Variants in APC2 observed in about 807,000 individuals in gnomAD.
The protein encoded by APC2 is adenomatous polyposis coli protein 2.
A neutral mutation model predicts 72.5 loss-of-function variants in APC2; 41 were observed. That is an observed-to-expected ratio of 0.57 (90% confidence interval 0.44 to 0.73). The LOEUF (loss-of-function observed/expected upper bound fraction) is 0.73, where lower values mean the gene tolerates loss of function less well. Ranked by LOEUF, APC2 falls within the 30% of genes least tolerant of loss-of-function variation. The pLI, the probability that APC2 is intolerant of heterozygous loss-of-function variation, is 0.00. For synonymous variants in APC2, 1,898 were observed against 1,612.0 expected (o/e 1.18, Z -4.25); for missense variants, 3,729 against 3,403.4 (o/e 1.10, Z -2.38).
Position 1,456,913 on chromosome 19 carries a change from C to T in APC2, c.877C>T (p.Arg293Cys), listed in dbSNP as rs768478428. The T allele has an allele frequency of 6.3e-7, 1 of 1,578,634 alleles. No individual in the cohort carries two copies. The highest frequency in any genetic ancestry group is 1.8e-5 in the Admixed American group (1 of 56,986). Residue 293 changes from arginine to cysteine, a missense_variant, in exon 9 of 15, where the codon CGC (arginine) becomes TGC (cysteine). By Grantham distance (180) the Arg-to-Cys change is radical. Coordinates refer to ENST00000590469, the MANE Select transcript of APC2 (RefSeq NM_005883.3). ...LATRDQEDTARTLLAMSSSPE... is the reference protein window; with the variant it reads ...LATRDQEDTACTLLAMSSSPE... ...GACGCGCGACCAGGAGGATACAGCG[C>T]GCACGCTGCTGGCCATGTCCAGCTC...
chr19:1,461,612 G>A (rs944047988), intron 13 of APC2: 14 of 317,342 alleles, frequency 4.4e-5, no homozygotes, highest in Non-Finnish European at 7.6e-5. Context: ...CAGCACTTTG[G>A]GAGGCCGAGG....
intron 4 of APC2, 28 bp downstream of exon 4, chr19:1,453,639 G>C (rs1364491547): frequency 6.4e-7 from 1 of 1,571,632 alleles, no homozygotes; most frequent in Admixed American, 1.9e-5. Flanking sequence ...CCCAGCCTCG[G>C]GCAGCTGGAG....
Position 1,466,806 on chromosome 19 carries a change from G to A in APC2, c.3505G>A (p.Gly1169Ser). Residue 1169 changes from glycine to serine, a missense_variant, in exon 15 of 15, where the codon GGC (glycine) becomes AGC (serine). By Grantham distance (56) the Gly-to-Ser change is moderately conservative. Transcript: ENST00000590469. ...LSRCSSVSSL[G>S]SFESPSIASS... ...CCGCTGCAGCTCTGTGAGCTCGCTG[G>A]GCAGCTTCGAGAGCCCGTCCATCGC... 4 of 1,551,944 alleles carry A rather than the reference G, an allele frequency of 2.6e-6. No homozygotes were observed. Among genetic ancestry groups the A allele is most frequent in the Non-Finnish European group, 3.5e-6 (4 of 1,148,874 alleles).
rs956232662 is a variant in APC2, at chr19:1,472,942, GTGC to G, written c.*2732_*2734del. Reference sequence around the variant, plus strand: ...TGGCCCCCAACATGACCACACGTGGGTGCTGAACTCGGGGCGCCGTGCCCACCG... The same window carrying G: ...TGGCCCCCAACATGACCACACGTGGGTGAACTCGGGGCGCCGTGCCCACCG... On this transcript the variant is annotated 3_prime_UTR_variant, in exon 15 of 15. Transcript: ENST00000590469. 1 of 152,304 alleles carries G rather than the reference GTGC, an allele frequency of 6.6e-6. No individual in the cohort carries two copies. Among genetic ancestry groups the G allele is most frequent in the Non-Finnish European group, 1.5e-5 (1 of 68,118 alleles). The allele number at this position is 152,304 out of a possible 1,614,324, so 9.4% of individuals were successfully genotyped here. A position where few individuals can be genotyped will look rare whatever the true frequency, so the allele number is the denominator to read the frequency against.
In APC2 at chr19:1,469,406, C is replaced by G. The variant is rs951548636; in HGVS notation, c.6105C>G (p.Ala2035=). The change falls in exon 15 of 15, where the codon GCC becomes GCG. Residue 2035 remains alanine (A), a synonymous_variant. Coordinates refer to ENST00000590469, the MANE Select transcript of APC2 (RefSeq NM_005883.3). ...SPRRGRPALP[A]VFLCSSRCEE... is the part of the protein sequence containing the mutation. ...GCCGCGGCCGGCCCGCGCTGCCCGCCGTCTTCCTCTGCTCCTCGCGCTGCG... is the reference window on the plus strand; with the variant it reads ...GCCGCGGCCGGCCCGCGCTGCCCGCGGTCTTCCTCTGCTCCTCGCGCTGCG... The G allele has an allele frequency of 8.3e-7, 1 of 1,205,176 alleles. No individual in the cohort carries two copies. Among genetic ancestry groups the G allele is most frequent in the Non-Finnish European group, 1.0e-6 (1 of 971,838 alleles). The allele number at this position is 1,205,176 out of a possible 1,614,324, so 74.7% of individuals were successfully genotyped here.
At position 1,453,502 on chromosome 19, in the gene APC2, G is replaced by T. The variant is rs774957094; in HGVS notation, c.304G>T (p.Ala102Ser). Reference sequence around the variant, plus strand: ...GCCCACCCTGGGCCCGGAGCCTGCCGCCCGGACCCCCGAGGGCAGCCCAGT... The same window carrying T: ...GCCCACCCTGGGCCCGGAGCCTGCCTCCCGGACCCCCGAGGGCAGCCCAGT... ...QPPTLGPEPA[A>S]RTPEGSPVHG... Residue 102 changes from alanine (A) to serine (S), a missense_variant, in exon 4 of 15, where the codon GCC becomes TCC. Ala to Ser is a moderately conservative substitution (Grantham distance 99, BLOSUM62 1). Transcript: ENST00000590469. The T allele has an allele frequency of 3.7e-6, 6 of 1,607,266 alleles. No homozygotes were observed. The highest frequency in any genetic ancestry group is 4.3e-6 in the Non-Finnish European group (5 of 1,176,148).
At position 1,465,413 on chromosome 19, in the gene APC2, G is replaced by A; in HGVS notation, c.2112G>A (p.Ala704=). ...LLAHRPAKHQ[A]AATAVSPGSC... ...CCCATCGGCCCGCCAAGCACCAGGC[G>A]GCCGCCACCGCCGTGTCCCCAGGCA... Residue 704 remains alanine (A), a synonymous_variant, in exon 15 of 15, where the codon GCG becomes GCA. Coordinates refer to ENST00000590469, the MANE Select transcript of APC2 (RefSeq NM_005883.3). The A allele has an allele frequency of 2.6e-6, 4 of 1,547,820 alleles. No individual in the cohort carries two copies. The highest frequency in any genetic ancestry group is 2.4e-5 in the East Asian group (1 of 41,654).
chr19:1,461,864 C>G lies in APC2; in HGVS notation c.1639-99C>G. ...GAGATTCCGTCTCAAAAAAAAAAAA[C>G]AAAAAACAAAAAAACCCAACTTCAC... On this transcript the variant is annotated intron_variant, in intron 13 of 14. Coordinates refer to ENST00000590469, the MANE Select transcript of APC2 (RefSeq NM_005883.3). The G allele has an allele frequency of 3.0e-6, 3 of 1,005,930 alleles. No homozygotes were observed. The East Asian group carries it at 8.0e-5, about 27-fold the overall frequency. The allele number at this position is 1,005,930 out of a possible 1,614,324, so 62.3% of individuals were successfully genotyped here. A position where few individuals can be genotyped will look rare whatever the true frequency, so the allele number is the denominator to read the frequency against.
rs776004435 is a variant in APC2 at position 1,453,349 on chromosome 19, G to A, written c.232+12G>A. ...GGAGCAGCTGAAGGGTGAGCGGTGG[G>A]GCCACCCGCAGAGGGAGTGGGGGAG... On this transcript the variant is annotated intron_variant, in intron 3 of 14. Transcript: ENST00000590469. 1.9e-6 allele frequency: 3 copies of A among 1,610,182 alleles called. No individual in the cohort carries two copies. The Admixed American group carries it at 5.0e-5, about 27-fold the overall frequency.
At chr19:1,459,120 C>T (rs547191744) in intron 10 of APC2, among the ~76,000 whole-genome samples, 6 of 152,296 alleles carry the variant, frequency 3.9e-5, no homozygotes, top group Middle Eastern at 6.8e-3. Flanking sequence ...TGGAATCACA[C>T]AGGATTTGTC....
Position 1,455,177 on chromosome 19 carries a change from G to A in APC2, c.442G>A (p.Glu148Lys). The change falls in exon 5 of 15, where the codon GAG becomes AAG. Residue 148 changes from glutamate to lysine, a missense_variant. Physicochemically the swap from Glu to Lys is moderately conservative, Grantham distance 56. Coordinates refer to ENST00000590469, the MANE Select transcript of APC2 (RefSeq NM_005883.3). Reference protein sequence around the residue: ...RCFLLNEIEKEEKEKLWYYSQ... With the variant: ...RCFLLNEIEKKEKEKLWYYSQ... ...TTTCCTGCTGAATGAGATTGAGAAG[G>A]AGGAGAAGGAGAAGCTCTGGTACTA... The A allele has an allele frequency of 6.3e-7, 1 of 1,578,596 alleles. No individual in the cohort carries two copies. The highest frequency in any genetic ancestry group is 8.5e-7 in the Non-Finnish European group (1 of 1,170,706).
In APC2 at chr19:1,467,530, C is replaced by T. The variant is rs1206226021; in HGVS notation, c.4229C>T (p.Thr1410Met). The T allele has an allele frequency of 4.1e-6, 6 of 1,478,700 alleles. No homozygotes were observed. The highest frequency in any genetic ancestry group is 4.5e-6 in the Non-Finnish European group (5 of 1,119,282). The allele number at this position is 1,478,700 out of a possible 1,614,324, so 91.6% of individuals were successfully genotyped here. ...AGCGCCGCCTCGCTCAGCGACGAGA[C>T]GCTGCAGGGACCCCCCAGGGACCAG... ...FSSAASLSDE[T>M]LQGPPRDQPG... The change falls in exon 15 of 15, where the codon ACG becomes ATG. Residue 1410 changes from threonine to methionine, a missense_variant. Thr to Met is a moderately conservative substitution (Grantham distance 81, BLOSUM62 -1). Transcript: ENST00000590469.
At position 1,462,195 on chromosome 19, in the gene APC2, C is replaced by A. The variant is rs760059181; in HGVS notation, c.1853+18C>A. On this transcript the variant is annotated intron_variant, in intron 14 of 14. Transcript: ENST00000590469. ...GACTACAGGTCGGCCCCCACCCCCCCACCCGCACACAGGCAGCTGCGCTCG... is the reference window on the plus strand; with the variant it reads ...GACTACAGGTCGGCCCCCACCCCCCAACCCGCACACAGGCAGCTGCGCTCG... The A allele has an allele frequency of 1.3e-5, 20 of 1,526,136 alleles. No homozygotes were observed. The highest frequency in any genetic ancestry group is 4.1e-5 in the African/African-American group (3 of 72,838). 94.5% of individuals were successfully genotyped at this position (1,526,136 alleles called of 1,614,324 possible).
At chr19:1,446,491 C>A, upstream of APC2, 1 of 525,476 alleles carries the variant, frequency 1.9e-6, no homozygotes, top group Non-Finnish European at 2.4e-6. This position sits in a 1 kb window ranked among gnomAD's most constrained non-coding sequence, Gnocchi z 6.1. Flanking sequence ...GTGCCGTCGC[C>A]GTAGAGACCG....
chr19:1,469,938 G>A lies in APC2; in HGVS notation c.6637G>A (p.Glu2213Lys). Residue 2213 changes from glutamate (E) to lysine (K), a missense_variant, in exon 15 of 15, where the codon GAG (glutamate) becomes AAG (lysine). By Grantham distance (56) the Glu-to-Lys change is moderately conservative (BLOSUM62 1). Coordinates refer to ENST00000590469, the MANE Select transcript of APC2 (RefSeq NM_005883.3). ...SSTSPSLETR[E>K]PPGAPAGGQL... Reference sequence around the variant, plus strand: ...CACGTCCCCGAGCCTGGAGACCAGGGAGCCCCCCGGGGCCCCCGCCGGCGG... The same window carrying A: ...CACGTCCCCGAGCCTGGAGACCAGGAAGCCCCCCGGGGCCCCCGCCGGCGG... The A allele has an allele frequency of 2.0e-6, 3 of 1,513,080 alleles. No homozygotes were observed. Among genetic ancestry groups the A allele is most frequent in the South Asian group, 1.2e-5 (1 of 81,888 alleles). 93.7% of individuals were successfully genotyped at this position (1,513,080 alleles called of 1,614,324 possible). A position where few individuals can be genotyped will look rare whatever the true frequency, so the allele number is the denominator to read the frequency against.
chr19:1,451,681 C>G (rs141422898), intron 1 of APC2: 1 of 152,296 alleles, frequency 6.6e-6, no homozygotes, highest in South Asian at 2.1e-4. Context: ...TTCCTAGGGC[C>G]TCGTTTCTCC....
chr19:1,450,913 A>G (rs866900050), intron 1 of APC2, among the ~76,000 whole-genome samples: 2 of 152,236 alleles, frequency 1.3e-5, no homozygotes, highest in Non-Finnish European at 2.9e-5. Flanking sequence ...GGGCAACTGC[A>G]CGTGCAAAGG....
At position 1,461,995 on chromosome 19, in the gene APC2, G is replaced by A. The variant is rs186091137; in HGVS notation, c.1671G>A (p.Leu557=). The A allele has an allele frequency of 1.2e-6, 2 of 1,612,996 alleles. No homozygotes were observed. Among genetic ancestry groups the A allele is most frequent in the East Asian group, 2.2e-5 (1 of 44,874 alleles). ...ESTLKSVLSA[L]WNLSAHSTEN... ...CCCTGAAGAGCGTGCTGAGCGCCCT[G>A]TGGAATCTGTCTGCACACAGCACAG... is the stretch of plus-strand genomic sequence containing the variant. Residue 557 remains leucine (L), a synonymous_variant, in exon 14 of 15, where the codon CTG becomes CTA. Transcript: ENST00000590469.
chr19:1,453,577 A>G lies in APC2; in HGVS notation c.379A>G (p.Thr127Ala), dbSNP rs1327203403. ...KDSFGELSRA[T>A]IRLLEELDRE... ...CAGCTTTGGGGAGCTGAGCCGGGCCACCATCCGGCTGCTGGAGGAACTGGA... is the reference window on the plus strand; with the variant it reads ...CAGCTTTGGGGAGCTGAGCCGGGCCGCCATCCGGCTGCTGGAGGAACTGGA... The change falls in exon 4 of 15, where the codon ACC becomes GCC. Residue 127 changes from threonine (T) to alanine (A), a missense_variant. Transcript: ENST00000590469. 2.5e-6 allele frequency: 4 copies of G among 1,608,934 alleles called. No homozygotes were observed. The highest frequency in any genetic ancestry group is 2.7e-5 in the African/African-American group (2 of 75,000).
Sources: gnomAD v4.1 joint callset for allele counts (sites outside exome capture counted in the v4.1 genomes callset) on GRCh38, gnomAD v4.1.1 for gene constraint, Gnocchi (gnomAD v3.1) non-coding constraint, MANE v1.5 for transcripts, NCBI Gene and HGNC (gene_info 2026-07-23, HGNC 2026-07-21) for gene names.